The following FANCC variants were observed in gnomAD, a reference collection of about 807,000 sequenced individuals.
FANCC encodes the protein FA complementation group C.
In FANCC, 55 loss-of-function variants were observed where a neutral mutation model predicts 71.3. The ratio of observed to expected loss-of-function variants is 0.77; its 90% CI spans 0.62 to 0.97. FANCC has a LOEUF of 0.97. Ranked by LOEUF, FANCC falls within the 50% of genes least tolerant of loss-of-function variation. The pLI is 0.00. For synonymous variants in FANCC, 275 were observed against 244.9 expected (o/e 1.12, Z -1.15); for missense variants, 678 against 670.9 (o/e 1.01, Z -0.12).
Position 95,107,200 on chromosome 9 carries a change from G to C in FANCC, c.1399C>G (p.Leu467Val), listed in dbSNP as rs1554828405. 4 of 1,614,210 alleles carry C rather than the reference G, an allele frequency of 2.5e-6. No individual in the cohort carries two copies. Among genetic ancestry groups the C allele is most frequent in the Non-Finnish European group, 2.5e-6 (3 of 1,180,038 alleles). Residue 467 changes from leucine to valine, a missense_variant, in exon 14 of 15, where the codon CTG becomes GTG. Coordinates refer to ENST00000289081, the MANE Select transcript of FANCC (RefSeq NM_000136.3). ...GTGCCCTGTCCTGCTACCGTCTGCA[G>C]GTCCTGGGCTGAGAGGCTGCTGCTT... ...SRSSSLSAQDLQTVAGQGTDT... is the reference protein window; with the variant it reads ...SRSSSLSAQDVQTVAGQGTDT...
At chr9:95,169,579 G>C (rs983915692) in intron 6 of FANCC, among the ~76,000 whole-genome samples, 1 of 152,196 alleles carries the variant, frequency 6.6e-6, no homozygotes, top group African/African-American at 2.4e-5. Context: ...GAAGCCACAA[G>C]CTGGGTTTTT....
chr9:95,267,332 G>A (rs900853843), intron 1 of FANCC, among the ~76,000 whole-genome samples: 2 of 152,140 alleles, frequency 1.3e-5, no homozygotes, highest in African/African-American at 4.8e-5. Context: ...TGTCAGGCAG[G>A]ACCAGGCACT....
intron 1 of FANCC, among the ~76,000 whole-genome samples, chr9:95,278,464 C>G (rs1401115575): frequency 6.6e-6 from 1 of 152,064 alleles, no homozygotes; most frequent in African/African-American, 2.4e-5. Flanking sequence ...ACACTATAAC[C>G]AAGCAGACCT....
intron 6 of FANCC, 67 bp from the exon 7 acceptor site, chr9:95,150,154 C>A (rs920259865): frequency 6.4e-7 from 1 of 1,566,328 alleles, no homozygotes; most frequent in African/African-American, 1.4e-5. Context: ...CATATAAAAA[C>A]CTTCATGCTA....
chr9:95,258,895 AAC>A (rs976069371), intron 1 of FANCC, among the ~76,000 whole-genome samples: 10 of 152,182 alleles, frequency 6.6e-5, no homozygotes, highest in African/African-American at 2.4e-4. Flanking sequence ...ATACACCAAT[AAC>A]AGACAAACAG....
At chr9:95,203,731 CCAAAA>C (rs1274032472) in intron 4 of FANCC, among the ~76,000 whole-genome samples, 1 of 152,016 alleles carries the variant, frequency 6.6e-6, no homozygotes, top group Non-Finnish European at 1.5e-5. Flanking sequence ...AATATGTTTT[CCAAAA>C]CAAAACAAAA....
intron 1 of FANCC, among the ~76,000 whole-genome samples, chr9:95,278,005 G>A (rs1004757151): frequency 6.6e-6 from 1 of 152,068 alleles, no homozygotes; most frequent in African/African-American, 2.4e-5. Context: ...TCTCATAACT[G>A]ACATAAAAAT....
intron 4 of FANCC, among the ~76,000 whole-genome samples, chr9:95,228,863 G>C (rs1353153423): frequency 6.6e-6 from 1 of 152,184 alleles, no homozygotes; most frequent in Non-Finnish European, 1.5e-5. Context: ...CACTGTGGCT[G>C]AGAGAAGTGA....
chr9:95,235,803 C>T (rs1830285681), intron 4 of FANCC, among the ~76,000 whole-genome samples: 1 of 114,466 alleles, frequency 8.7e-6, no homozygotes, highest in African/African-American at 3.4e-5. Flanking sequence ...AAGATTGCGC[C>T]ATTGCACTCC....
At chr9:95,270,538 G>T (rs1008947635) in intron 1 of FANCC, among the ~76,000 whole-genome samples, 1 of 152,220 alleles carries the variant, frequency 6.6e-6, no homozygotes, top group Non-Finnish European at 1.5e-5. Flanking sequence ...TGCATAAACT[G>T]CTGTGCTAAA....
At chr9:95,199,141 G>A (rs780069217) in intron 4 of FANCC, among the ~76,000 whole-genome samples, 3 of 152,086 alleles carry the variant, frequency 2.0e-5, no homozygotes, top group Non-Finnish European at 4.4e-5. Flanking sequence ...ATTAAAAACC[G>A]GTGTTGGATC....
chr9:95,211,824 TAAAGAAA>T (rs1451404623), intron 4 of FANCC, among the ~76,000 whole-genome samples: 1 of 140,426 alleles, frequency 7.1e-6, no homozygotes, highest in Non-Finnish European at 1.5e-5. Context: ...TATAGGTATT[TAAAGAAA>T]AACATAATCA....
At chr9:95,195,243 G>A (rs1176357390) in intron 4 of FANCC, among the ~76,000 whole-genome samples, 3 of 71,184 alleles carry the variant, frequency 4.2e-5, no homozygotes, top group African/African-American at 1.8e-4. Flanking sequence ...TAGTTCCAGA[G>A]CCTTTTTTTT....
At chr9:95,301,207 A>C (rs866996258) in intron 1 of FANCC, among the ~76,000 whole-genome samples, 16 of 128,110 alleles carry the variant, frequency 1.2e-4, no homozygotes, top group East Asian at 9.8e-4. Context: ...CACACACACA[A>C]AATTGTTAAA....
At chr9:95,245,972 T>C (rs1401632345) in intron 3 of FANCC, among the ~76,000 whole-genome samples, 1 of 152,008 alleles carries the variant, frequency 6.6e-6, no homozygotes, top group Non-Finnish European at 1.5e-5. Flanking sequence ...ATACTGTGAG[T>C]AACTGCAAGT....
rs1007849576 is a variant in FANCC at position 95,116,210 on chromosome 9, C to T, written c.1072+1105G>A. Among the ~76,000 whole-genome samples the T allele has an allele frequency of 8.5e-5, 13 of 152,340 alleles. No individual in the cohort carries two copies. In the South Asian group the frequency reaches 2.5e-3, roughly 29 times the overall value. On this transcript the variant is annotated intron_variant, in intron 11 of 14. Transcript: ENST00000289081. ...ATTTTCTGGAGCTCACTCAGCGTCC[C>T]CTGTTGGCTGACTTTAGGCTTTGCT...
intron 4 of FANCC, among the ~76,000 whole-genome samples, chr9:95,199,915 G>T (rs1827703168): frequency 6.6e-6 from 1 of 152,016 alleles, no homozygotes; most frequent in South Asian, 2.1e-4. Context: ...AACCTTCTTT[G>T]TTTCTTAATA....
chr9:95,205,170 T>C (rs1222900167), intron 4 of FANCC, among the ~76,000 whole-genome samples: 1 of 152,230 alleles, frequency 6.6e-6, no homozygotes, highest in Non-Finnish European at 1.5e-5. Flanking sequence ...CACCACTTTC[T>C]CTTTAAGCTG....
intron 12 of FANCC, among the ~76,000 whole-genome samples, chr9:95,112,598 G>A (rs2072037377): frequency 6.6e-6 from 1 of 152,244 alleles, no homozygotes; most frequent in African/African-American, 2.4e-5. Context: ...CTGTACCAGA[G>A]TGAGGAGGGG....
Sources: allele counts gnomAD v4.1 joint callset (sites outside exome capture counted in the v4.1 genomes callset), GRCh38; gene constraint gnomAD v4.1.1; transcripts MANE v1.5; gene names NCBI Gene and HGNC (gene_info 2026-07-23, HGNC 2026-07-21).